ADD1: variants seen among roughly 807,000 people sequenced by gnomAD.
The protein encoded by ADD1 is alpha-adducin.
ADD1 carries 24 observed loss-of-function variants against 80.5 expected under a neutral mutation model. That is an observed-to-expected ratio of 0.30 (90% CI 0.22 to 0.42). ADD1 has a LOEUF of 0.42. Among genes scored for constraint, ADD1 ranks in the 10% least tolerant of loss-of-function variants. The pLI, the probability that ADD1 is intolerant of heterozygous loss-of-function variation, is 1.00. For synonymous variants in ADD1, 373 were observed against 393.8 expected (o/e 0.95, Z 0.63); for missense variants, 948 against 1,019.0 (o/e 0.93, Z 0.95).
chr4:2,928,331 T>C lies in ADD1; in HGVS notation c.2208T>C (p.Pro736=), dbSNP rs1374121185. 1 of 1,613,802 alleles carries C rather than the reference T, an allele frequency of 6.2e-7. No individual in the cohort carries two copies. The highest frequency in any genetic ancestry group is 8.5e-7 in the Non-Finnish European group (1 of 1,179,942). Residue 736 remains proline, a synonymous_variant, in exon 16 of 16, where the codon CCT becomes CCC. Transcript: ENST00000683351. The part of the protein sequence containing the change: ...AHRPPSPTEA[P]TEASPEPAPD... ...GACCCCCAAGCCCCACTGAGGCCCC[T>C]ACTGAGGCCAGCCCCGAGCCAGCCC...
intron 14 of ADD1, among the ~76,000 whole-genome samples, chr4:2,921,135 C>CT (rs111391690): frequency 5.2e-4 from 78 of 148,866 alleles, no homozygotes; most frequent in African/African-American, 6.9e-4. Flanking sequence ...GCTGAAAATT[C>CT]TTTTTTTTTT....
chr4:2,868,953 C>CACCT (rs1729988593), intron 1 of ADD1, among the ~76,000 whole-genome samples: 1 of 152,134 alleles, frequency 6.6e-6, no homozygotes, highest in African/African-American at 2.4e-5. Context: ...ATATGTGGAA[C>CACCT]ACCTGCTGGG....
chr4:2,852,943 A>G (rs887825890), intron 1 of ADD1, among the ~76,000 whole-genome samples: 1 of 151,944 alleles, frequency 6.6e-6, no homozygotes, highest in African/African-American at 2.4e-5. Context: ...TTTTAAACTC[A>G]GATAAGCAGG....
At chr4:2,865,070 T>G (rs1729346994) in intron 1 of ADD1, among the ~76,000 whole-genome samples, 1 of 152,222 alleles carries the variant, frequency 6.6e-6, no homozygotes, top group East Asian at 1.9e-4. Context: ...AAGTTGTATA[T>G]TCTTCCTGCA....
At chr4:2,878,959 A>C (rs1731790141) in intron 2 of ADD1, among the ~76,000 whole-genome samples, 1 of 152,122 alleles carries the variant, frequency 6.6e-6, no homozygotes, top group African/African-American at 2.4e-5. Flanking sequence ...GGGTGGTTGC[A>C]GGGCACATAC....
chr4:2,844,276 G>A (rs1725832116), intron 1 of ADD1: 1 of 152,346 alleles, frequency 6.6e-6, no homozygotes, highest in Admixed American at 6.5e-5. Flanking sequence ...CCGGGGACTA[G>A]GCTTTTCCCG....
intron 8 of ADD1, 167 bp from the exon 9 acceptor site, chr4:2,899,092 A>G: frequency 1.4e-6 from 1 of 718,794 alleles, no homozygotes; most frequent in South Asian, 2.1e-5. Flanking sequence ...CTAAAGAAAT[A>G]CTTCTGAAAG....
At chr4:2,878,432 T>C (rs2108907702) in intron 2 of ADD1, among the ~76,000 whole-genome samples, 1 of 152,164 alleles carries the variant, frequency 6.6e-6, no homozygotes, top group South Asian at 2.1e-4. Flanking sequence ...AAAAAAAGAA[T>C]CAGGATAGCA....
intron 3 of ADD1, among the ~76,000 whole-genome samples, chr4:2,883,588 C>G (rs79054532): frequency 6.6e-6 from 1 of 151,912 alleles, no homozygotes; most frequent in Non-Finnish European, 1.5e-5. Context: ...TGCTGGAGTA[C>G]AGTGGCACGA....
rs139218887 is a variant in ADD1 at position 2,877,935 on chromosome 4, C to A, written c.195+1825C>A. 1.1e-3 allele frequency among the ~76,000 whole-genome samples: 167 copies of A among 152,230 alleles called. 1 individual carries two copies. The highest frequency in any genetic ancestry group is 3.6e-3 in the Admixed American group (55 of 15,288). On this transcript the variant is annotated intron_variant, in intron 2 of 15. Coordinates refer to ENST00000683351, the MANE Select transcript of ADD1 (RefSeq NM_001354761.2). ...TGAGTTGTGATCGTGCCAGTGCACT[C>A]CAGCCTGGGTGACAGAGTGAGACCC...
At chr4:2,921,825 T>C (rs374260113) in intron 14 of ADD1, among the ~76,000 whole-genome samples, 111 of 152,254 alleles carry the variant, frequency 7.3e-4, no homozygotes, top group Middle Eastern at 3.4e-3. Flanking sequence ...TTGGAGGCTT[T>C]GTTCATTCCT....
Position 2,899,332 on chromosome 4 carries a change from C to A in ADD1, c.1058C>A (p.Ser353Tyr). Residue 353 changes from serine (S) to tyrosine (Y), a missense_variant, in exon 9 of 16, where the codon TCC becomes TAC. Ser to Tyr is a moderately radical substitution (Grantham distance 144, BLOSUM62 -2). Coordinates refer to ENST00000683351, the MANE Select transcript of ADD1 (RefSeq NM_001354761.2). ...AATCCTGAGAAGTACAAAGCCAAGT[C>A]CCGTTCCCCAGGGTCTCCGGTAGGG... ...LLNPEKYKAK[S>Y]RSPGSPVGEG... The A allele has an allele frequency of 1.2e-6, 2 of 1,614,210 alleles. No individual in the cohort carries two copies. The highest frequency in any genetic ancestry group is 1.7e-6 in the Non-Finnish European group (2 of 1,180,040).
intron 1 of ADD1, among the ~76,000 whole-genome samples, chr4:2,864,858 CT>C (rs1354729425): frequency 6.6e-6 from 1 of 152,116 alleles, no homozygotes; most frequent in Admixed American, 6.5e-5. Flanking sequence ...GCTTTGTTGC[CT>C]GGCTGGATTT....
At chr4:2,851,020 ATTAG>A (rs1726999687) in intron 1 of ADD1, among the ~76,000 whole-genome samples, 1 of 152,170 alleles carries the variant, frequency 6.6e-6, no homozygotes, top group Non-Finnish European at 1.5e-5. Context: ...GATTGTGATG[ATTAG>A]TTACACAACT....
chr4:2,916,640 A>T (rs1739133385), intron 14 of ADD1, among the ~76,000 whole-genome samples: 1 of 152,076 alleles, frequency 6.6e-6, no homozygotes, highest in Non-Finnish European at 1.5e-5. Context: ...TATGGGTGGC[A>T]CCCATCATCT....
At chr4:2,862,183 C>G (rs1042190164) in intron 1 of ADD1, among the ~76,000 whole-genome samples, 2 of 152,140 alleles carry the variant, frequency 1.3e-5, no homozygotes, top group Non-Finnish European at 2.9e-5. Flanking sequence ...AAACTGATGT[C>G]TGAAAACTGG....
At chr4:2,880,498 C>T (rs1247399953) in intron 2 of ADD1, among the ~76,000 whole-genome samples, 4 of 84,550 alleles carry the variant, frequency 4.7e-5, no homozygotes, top group Admixed American at 4.0e-4. Context: ...TTTTTTGAGA[C>T]GGAGTCTCGC....
In ADD1 at chr4:2,881,777, TC is replaced by T. The variant is rs1451560143; in HGVS notation, c.196-119del. 4.5e-6 allele frequency: 3 copies of T among 661,472 alleles called. No homozygotes were observed. The African/African-American group carries it at 5.6e-5, about 12-fold the overall frequency. The allele number at this position is 661,472 out of a possible 1,614,324, so 41.0% of individuals were successfully genotyped here. ...TTCTCAGCAGTAATGTGTGAGAATA[TC>T]CGTTTGCCTTTCCAGCACTGGATGA... On this transcript the variant is annotated intron_variant, in intron 2 of 15. Transcript: ENST00000683351.
chr4:2,923,720 G>A (rs1177307796), intron 14 of ADD1, among the ~76,000 whole-genome samples: 3 of 152,162 alleles, frequency 2.0e-5, no homozygotes, highest in Admixed American at 2.0e-4. Flanking sequence ...TCATTGTGCC[G>A]GGCACATGCC....
Sources: allele counts gnomAD v4.1 joint callset (sites outside exome capture counted in the v4.1 genomes callset), GRCh38; gene constraint gnomAD v4.1.1; transcripts MANE v1.5; gene names NCBI Gene and HGNC (gene_info 2026-07-23, HGNC 2026-07-21).